The following UBAP2 variants were observed in gnomAD, a reference collection of about 807,000 sequenced individuals.
UBAP2 encodes the protein ubiquitin associated protein 2.
In UBAP2, 75 loss-of-function variants were observed where a neutral mutation model predicts 139.6. The ratio of observed to expected loss-of-function variants is 0.54; its 90% confidence interval spans 0.45 to 0.65. The LOEUF (loss-of-function observed/expected upper bound fraction) is 0.65. Ranked by LOEUF, UBAP2 falls within the 30% of genes least tolerant of loss-of-function variation. The pLI is 0.00. For missense variants in UBAP2, 1,368 were observed against 1,369.6 expected (o/e 1.00, Z 0.02); for synonymous variants, 526 against 526.2 (o/e 1.00, Z 0.01).
intron 6 of UBAP2, among the ~76,000 whole-genome samples, chr9:33,985,434 GATGA>G (rs1821122230): frequency 6.6e-6 from 1 of 152,160 alleles, no homozygotes. Context: ...TTCATCAACA[GATGA>G]ATGGATTTTA....
At chr9:33,960,717 T>G (rs1826977633) in intron 10 of UBAP2, 109 bp downstream of exon 10, 1 of 1,010,258 alleles carries the variant, frequency 9.9e-7, no homozygotes, top group Non-Finnish European at 1.5e-6. Flanking sequence ...GAGGCAGAGG[T>G]TGCAATGAGC....
At chr9:34,003,898 T>G (rs976033788) in intron 2 of UBAP2, among the ~76,000 whole-genome samples, 9 of 152,084 alleles carry the variant, frequency 5.9e-5, no homozygotes, top group Middle Eastern at 6.8e-3. Context: ...TTTTGTATTT[T>G]TAGTAGAGAC....
chr9:33,957,513 A>C (rs150636902), intron 10 of UBAP2, among the ~76,000 whole-genome samples: 34 of 152,312 alleles, frequency 2.2e-4, no homozygotes, highest in African/African-American at 7.9e-4. Flanking sequence ...AAAGTATCCA[A>C]ACCTTTATTC....
chr9:33,942,440 C>A (rs531934461), intron 15 of UBAP2, among the ~76,000 whole-genome samples: 56 of 149,542 alleles, frequency 3.7e-4, no homozygotes, highest in Non-Finnish European at 6.7e-4. Flanking sequence ...ACAACAACAA[C>A]AAAGTCAGCC....
chr9:34,032,223 C>A (rs915177805), intron 1 of UBAP2, among the ~76,000 whole-genome samples: 1 of 152,174 alleles, frequency 6.6e-6, no homozygotes, highest in African/African-American at 2.4e-5. Context: ...ACGGCTCTCT[C>A]GCCAACCATG....
chr9:33,978,423 A>C (rs1820347271), intron 6 of UBAP2, among the ~76,000 whole-genome samples: 1 of 152,174 alleles, frequency 6.6e-6, no homozygotes, highest in Non-Finnish European at 1.5e-5. Flanking sequence ...AGGTGCTCAA[A>C]ATTACTTTGC....
chr9:33,984,780 A>C (rs1243344756), intron 6 of UBAP2, among the ~76,000 whole-genome samples: 1 of 152,196 alleles, frequency 6.6e-6, no homozygotes, highest in Non-Finnish European at 1.5e-5. Flanking sequence ...ATAAAATACA[A>C]ATGAAAACCA....
intron 2 of UBAP2, among the ~76,000 whole-genome samples, chr9:34,004,733 G>A (rs551987823): frequency 3.9e-4 from 57 of 147,822 alleles, no homozygotes; most frequent in African/African-American, 1.1e-3. Flanking sequence ...GCAGTGAGCC[G>A]AGATAGCGCC....
At position 33,943,501 on chromosome 9, in the gene UBAP2, G is replaced by A; in HGVS notation, c.1634C>T (p.Pro545Leu). The A allele has an allele frequency of 6.2e-7, 1 of 1,614,152 alleles. No individual in the cohort carries two copies. The highest frequency in any genetic ancestry group is 2.2e-5 in the East Asian group (1 of 44,886). The change falls in exon 15 of 29, where the codon CCT (proline) becomes CTT (leucine). Residue 545 changes from proline to leucine, a missense_variant. Coordinates refer to ENST00000379238, the MANE Select transcript of UBAP2 (RefSeq NM_001370062.2). ...QFGALEFGSE[P>L]SLSEFGSAPS... ...AGCTGATCCAAATTCAGAGAGAGAA[G>A]GTTCTGACCCAAATTCCAGAGCCCC...
rs746060246 is a variant in UBAP2, at chr9:33,923,979, C to T, written c.2612G>A (p.Arg871His). The T allele has an allele frequency of 3.7e-5, 60 of 1,613,728 alleles. No homozygotes were observed. The highest frequency in any genetic ancestry group is 1.3e-4 in the South Asian group (12 of 91,060). The part of the protein sequence containing the change: ...PYPGDVTKFG[R>H]GDSASPAPAT... ...GGGTGCAGGGGATGCAGAGTCCCCACGGCCAAACTTTGTGACATCACCTAG... is the reference window on the plus strand; with the variant it reads ...GGGTGCAGGGGATGCAGAGTCCCCATGGCCAAACTTTGTGACATCACCTAG... The change falls in exon 24 of 29, where the codon CGT becomes CAT. Residue 871 changes from arginine (R) to histidine (H), a missense_variant. Transcript: ENST00000379238.
intron 4 of UBAP2, 43 bp downstream of exon 4, chr9:33,996,180 T>TG: frequency 6.8e-7 from 1 of 1,462,706 alleles, no homozygotes; most frequent in South Asian, 1.2e-5. Flanking sequence ...GCTACGGAAT[T>TG]GGAGACAAAT....
In UBAP2 at chr9:33,939,928, G is replaced by C. The variant is rs192313976; in HGVS notation, c.1929+1721C>G. Among the ~76,000 whole-genome samples the C allele has an allele frequency of 2.3e-3, 198 of 86,722 alleles. 28 individuals carry two copies. Among genetic ancestry groups the C allele is most frequent in the Non-Finnish European group, 3.5e-3 (140 of 40,460 alleles). 56.9% of individuals were successfully genotyped at this position (86,722 alleles called of 152,430 possible). ...GAGGATGGGGAGGAGAAGAAGAGGA[G>C]AAGGAAGAAGAAGAAAGAGGGAAGG... On this transcript the variant is annotated intron_variant, in intron 16 of 28. Coordinates refer to ENST00000379238, the MANE Select transcript of UBAP2 (RefSeq NM_001370062.2).
chr9:33,974,519 A>C (rs1357740045), intron 6 of UBAP2, among the ~76,000 whole-genome samples: 1 of 152,152 alleles, frequency 6.6e-6, no homozygotes, highest in Non-Finnish European at 1.5e-5. Flanking sequence ...AAACAAACAA[A>C]AAAACACCAC....
chr9:34,045,205 GCGTGGCGGCAGGCGCC>G (rs1359916869), intron 1 of UBAP2, among the ~76,000 whole-genome samples: 1 of 151,694 alleles, frequency 6.6e-6, no homozygotes, highest in African/African-American at 2.4e-5. Context: ...AATTAGCCGG[GCGTGGCGGCAGGCGCC>G]AGTAGTCCCA....
rs998066850 is a variant in UBAP2 at position 33,933,616 on chromosome 9, G to A, written c.1982C>T (p.Thr661Ile). 1.2e-6 allele frequency: 2 copies of A among 1,613,828 alleles called. No individual in the cohort carries two copies. The highest frequency in any genetic ancestry group is 1.7e-6 in the Non-Finnish European group (2 of 1,179,996). Residue 661 changes from threonine (T) to isoleucine (I), a missense_variant, in exon 18 of 29, where the codon ACA (threonine) becomes ATA (isoleucine). Physicochemically the swap from Thr to Ile is moderately conservative, Grantham distance 89. Transcript: ENST00000379238. ...AGACGGGAGGGCAGAGGGAGGGCCT[G>A]TTGTCTTTGGAGCTGGAACAGATGA... is the stretch of plus-strand genomic sequence containing the variant. ...SQQTLDTPKT[T>I]GPPSALPSVS...
At chr9:34,001,966 A>T (rs1234752521) in intron 2 of UBAP2, among the ~76,000 whole-genome samples, 1 of 137,772 alleles carries the variant, frequency 7.3e-6, no homozygotes, top group Non-Finnish European at 1.6e-5. Flanking sequence ...TTTTTTCATT[A>T]AAAAAAAAAA....
chr9:33,993,963 C>T (rs949750106), intron 4 of UBAP2, among the ~76,000 whole-genome samples: 2 of 147,772 alleles, frequency 1.4e-5, no homozygotes, highest in African/African-American at 5.0e-5. Context: ...GCCGCGATCT[C>T]GGCTCACTAC....
intron 10 of UBAP2, among the ~76,000 whole-genome samples, chr9:33,959,149 T>C (rs534555786): frequency 7.1e-6 from 1 of 141,424 alleles, no homozygotes; most frequent in East Asian, 2.0e-4. Flanking sequence ...CAAGGCCCTG[T>C]CTCAAAAAAA....
At chr9:33,978,974 G>C (rs984747992) in intron 6 of UBAP2, among the ~76,000 whole-genome samples, 2 of 152,134 alleles carry the variant, frequency 1.3e-5, no homozygotes, top group African/African-American at 4.8e-5. Context: ...GCAGTGGCTT[G>C]TGCCTGTAAT....
Sources: allele counts gnomAD v4.1 joint callset (sites outside exome capture counted in the v4.1 genomes callset), GRCh38; gene constraint gnomAD v4.1.1; transcripts MANE v1.5; gene names NCBI Gene and HGNC (gene_info 2026-07-23, HGNC 2026-07-21).